FAM135B: variants seen among roughly 807,000 people sequenced by gnomAD.
FAM135B encodes protein FAM135B.
A neutral mutation model predicts 127.7 loss-of-function variants in FAM135B; 43 were observed. That is an observed-to-expected ratio of 0.34 (90% CI 0.26 to 0.43). FAM135B has a LOEUF of 0.43. Among genes scored for constraint, FAM135B ranks in the 20% least tolerant of loss-of-function variants. The probability of loss-of-function intolerance (pLI) is 1.00; values close to 1 mark genes in which losing one functional copy is unlikely to be tolerated. For synonymous variants in FAM135B, 670 were observed against 665.1 expected (o/e 1.01, Z -0.11); for missense variants, 1,558 against 1,725.6 (o/e 0.90, Z 1.72).
intron 7 of FAM135B, among the ~76,000 whole-genome samples, chr8:138,236,787 T>C (rs1265720084): frequency 1.3e-5 from 2 of 152,254 alleles, no homozygotes; most frequent in African/African-American, 4.8e-5. Context: ...GTGAAATGTG[T>C]AATTTTTAAT....
chr8:138,148,475 G>A lies in FAM135B; in HGVS notation c.3448+45C>T, dbSNP rs752620799. ...AATTAATACATAAATATTATAAGTTGTATATATGACAGAATTTGGGAAGAA... is the reference window on the plus strand; with the variant it reads ...AATTAATACATAAATATTATAAGTTATATATATGACAGAATTTGGGAAGAA... On this transcript the variant is annotated intron_variant, in intron 14 of 19. Coordinates refer to ENST00000395297, the MANE Select transcript of FAM135B (RefSeq NM_015912.4). 9 of 1,490,902 alleles carry A rather than the reference G, an allele frequency of 6.0e-6. No individual in the cohort carries two copies. The Middle Eastern group carries it at 1.2e-3, about 200-fold the overall frequency. The allele number at this position is 1,490,902 out of a possible 1,614,324, so 92.4% of individuals were successfully genotyped here.
At chr8:138,491,431 C>G (rs1328904858) in intron 1 of FAM135B, among the ~76,000 whole-genome samples, 1 of 152,146 alleles carries the variant, frequency 6.6e-6, no homozygotes. Context: ...GTCTTGCTAT[C>G]CAATTGCCTA....
chr8:138,301,156 T>A (rs991469650), intron 3 of FAM135B, among the ~76,000 whole-genome samples: 4 of 152,146 alleles, frequency 2.6e-5, no homozygotes, highest in African/African-American at 9.7e-5. Flanking sequence ...GGGCCACACA[T>A]TGAGGAACTC....
chr8:138,218,801 AGAGGG>A (rs1818789627), intron 7 of FAM135B, among the ~76,000 whole-genome samples: 1 of 21,052 alleles, frequency 4.8e-5, no homozygotes, highest in African/African-American at 1.2e-4. Context: ...AGAGAGAGAG[AGAGGG>A]AGAGAAAGAG....
rs75625363 is a variant in FAM135B at position 138,295,556 on chromosome 8, G to A, written c.157+15285C>T. Among the ~76,000 whole-genome samples the A allele has an allele frequency of 1.1e-3, 173 of 152,228 alleles. 2 individuals are homozygous for A. Among genetic ancestry groups the A allele is most frequent in the African/African-American group, 4.1e-3 (170 of 41,562 alleles). On this transcript the variant is annotated intron_variant, in intron 3 of 19. Transcript: ENST00000395297. ...GTCCTGATTGCCACAAAACAGAGGTGCCTGCCAGCCAGGACGAGGGGCACT... is the reference window on the plus strand; with the variant it reads ...GTCCTGATTGCCACAAAACAGAGGTACCTGCCAGCCAGGACGAGGGGCACT...
chr8:138,173,604 T>A (rs780108137), intron 11 of FAM135B, among the ~76,000 whole-genome samples: 1 of 152,084 alleles, frequency 6.6e-6, no homozygotes, highest in Non-Finnish European at 1.5e-5. Context: ...CTGATCAGAG[T>A]AGTTTCAATA....
intron 2 of FAM135B, among the ~76,000 whole-genome samples, chr8:138,311,202 GAC>G (rs1182597372): frequency 2.6e-5 from 4 of 152,176 alleles, no homozygotes; most frequent in African/African-American, 9.7e-5. Context: ...TGGGTCATGT[GAC>G]ACAGTTTCAT....
At chr8:138,148,709 A>G in intron 13 of FAM135B, 23 bp from the exon 14 acceptor site, 3 of 1,574,090 alleles carry the variant, frequency 1.9e-6, no homozygotes, top group Non-Finnish European at 2.6e-6. Context: ...CTAATTAATC[A>G]CAAGCCAAGC....
chr8:138,178,174 G>T (rs1270997911), intron 10 of FAM135B, among the ~76,000 whole-genome samples: 1 of 152,018 alleles, frequency 6.6e-6, no homozygotes, highest in East Asian at 1.9e-4. Context: ...CTTGAATCAG[G>T]GAGGTGGAGA....
chr8:138,299,375 T>A (rs535158649), intron 3 of FAM135B, among the ~76,000 whole-genome samples: 1 of 152,166 alleles, frequency 6.6e-6, no homozygotes, highest in Non-Finnish European at 1.5e-5. Context: ...TTCATGTTTT[T>A]ATTATGCAGA....
intron 11 of FAM135B, among the ~76,000 whole-genome samples, chr8:138,168,708 G>C (rs980803100): frequency 3.9e-5 from 6 of 152,138 alleles, no homozygotes; most frequent in Admixed American, 1.3e-4. Flanking sequence ...CGAAGGCTGG[G>C]GTGGTAGAAA....
chr8:138,152,557 G>T lies in FAM135B; in HGVS notation c.1918C>A (p.Pro640Thr). 1 of 1,614,178 alleles carries T rather than the reference G, an allele frequency of 6.2e-7. No homozygotes were observed. The highest frequency in any genetic ancestry group is 8.5e-7 in the Non-Finnish European group (1 of 1,180,024). Residue 640 changes from proline (P) to threonine (T), a missense_variant, in exon 13 of 20, where the codon CCC becomes ACC. Pro to Thr is a conservative substitution (Grantham distance 38, BLOSUM62 -1). This residue lies in a region of FAM135B where 923 missense variants were observed against 865.3 expected (regional missense o/e 1.07). Transcript: ENST00000395297. ...LLSLKLTPSE[P>T]CDPLSSTLRE... ...AGGGTAGAACTTAGTGGATCACAGG[G>T]CTCAGAGGGGGTGAGTTTCAAGCTT... is the stretch of plus-strand genomic sequence containing the variant.
At chr8:138,229,674 T>C (rs1446347571) in intron 7 of FAM135B, among the ~76,000 whole-genome samples, 2 of 152,160 alleles carry the variant, frequency 1.3e-5, no homozygotes, top group Non-Finnish European at 2.9e-5. Context: ...CTCATGCTGC[T>C]ATAAAGAACT....
At chr8:138,397,296 C>T (rs1441693524) in intron 1 of FAM135B, among the ~76,000 whole-genome samples, 1 of 152,196 alleles carries the variant, frequency 6.6e-6, no homozygotes, top group Non-Finnish European at 1.5e-5. Context: ...AGAGAAGGTT[C>T]TGTGTTGCAT....
At chr8:138,289,248 T>G (rs962104881) in intron 3 of FAM135B, among the ~76,000 whole-genome samples, 1 of 152,218 alleles carries the variant, frequency 6.6e-6, no homozygotes, top group Admixed American at 6.5e-5. Context: ...ACAATTGCCA[T>G]GTATGCCCAC....
intron 8 of FAM135B, 59 bp from the exon 9 acceptor site, chr8:138,195,366 C>T (rs1816527074): frequency 1.3e-6 from 2 of 1,550,326 alleles, no homozygotes; most frequent in Non-Finnish European, 1.8e-6. Flanking sequence ...GCAGCAGTTG[C>T]TAATTAAATG....
At chr8:138,379,718 T>G (rs576640437) in intron 1 of FAM135B, among the ~76,000 whole-genome samples, 160 of 152,236 alleles carry the variant, frequency 1.1e-3, no homozygotes, top group African/African-American at 3.7e-3. Flanking sequence ...AAGTTGCATC[T>G]CTCCTCCTTG....
intron 1 of FAM135B, among the ~76,000 whole-genome samples, chr8:138,386,790 C>T (rs1356656048): frequency 6.6e-6 from 1 of 152,108 alleles, no homozygotes; most frequent in Non-Finnish European, 1.5e-5. Flanking sequence ...TCATTCAATC[C>T]GTGAGCAAAT....
At chr8:138,185,471 A>G (rs1375589196) in intron 9 of FAM135B, among the ~76,000 whole-genome samples, 1 of 152,214 alleles carries the variant, frequency 6.6e-6, no homozygotes, top group East Asian at 1.9e-4. Flanking sequence ...CAATGCATTT[A>G]AAGACCCTCT....
Sources: gnomAD v4.1 joint callset for allele counts (sites outside exome capture counted in the v4.1 genomes callset) on GRCh38, gnomAD v4.1.1 for gene constraint, gnomAD v4.1.1 regional missense constraint, MANE v1.5 for transcripts, NCBI Gene and HGNC (gene_info 2026-07-23, HGNC 2026-07-21) for gene names.